CLSTN1: variants seen among roughly 807,000 people sequenced by gnomAD.
The protein encoded by CLSTN1 is calsyntenin 1.
CLSTN1 carries 28 observed loss-of-function variants against 108.3 expected under a neutral mutation model. The ratio of observed to expected loss-of-function variants is 0.26; its 90% CI spans 0.19 to 0.35. The LOEUF is 0.35. CLSTN1 is among the 10% of genes least tolerant of loss of function. CLSTN1 has a pLI of 1.00. For synonymous variants in CLSTN1, 524 were observed against 534.9 expected, an observed-to-expected ratio of 0.98 and a Z score of 0.28; for missense variants, 1,157 against 1,302.6, an observed-to-expected ratio of 0.89 and a Z score of 1.72.
intron 1 of CLSTN1, among the ~76,000 whole-genome samples, chr1:9,822,694 G>C (rs1570535794): frequency 6.6e-6 from 1 of 152,274 alleles, no homozygotes; most frequent in East Asian, 1.9e-4. Flanking sequence ...CTTTTCGTTG[G>C]CAAGACCAGT....
intron 2 of CLSTN1, among the ~76,000 whole-genome samples, chr1:9,772,381 C>A (rs888433699): frequency 6.6e-6 from 1 of 152,050 alleles, no homozygotes; most frequent in African/African-American, 2.4e-5. Context: ...AATCAAGGCT[C>A]ACTGCAGCCT....
intron 9 of CLSTN1, among the ~76,000 whole-genome samples, chr1:9,742,442 C>G (rs1026904516): frequency 6.6e-6 from 1 of 152,086 alleles, no homozygotes; most frequent in African/African-American, 2.4e-5. Flanking sequence ...GCACACAGGG[C>G]TATTCTTTAA....
intron 1 of CLSTN1, among the ~76,000 whole-genome samples, chr1:9,815,929 C>G (rs1654950684): frequency 6.6e-6 from 1 of 152,040 alleles, no homozygotes; most frequent in Non-Finnish European, 1.5e-5. Context: ...GAGTGAGACT[C>G]TACCTCAAAA....
intron 1 of CLSTN1, among the ~76,000 whole-genome samples, chr1:9,812,673 C>T (rs1654809183): frequency 6.6e-6 from 1 of 151,842 alleles, no homozygotes; most frequent in African/African-American, 2.4e-5. Flanking sequence ...ATGGAGAAAC[C>T]CCATCTCTAC....
chr1:9,736,066 G>GA, intron 11 of CLSTN1, 24 bp from the exon 12 acceptor site: 1 of 1,613,916 alleles, frequency 6.2e-7, no homozygotes, highest in African/African-American at 1.3e-5. Flanking sequence ...GAGAAAAGGC[G>GA]AAGTCAGGCG....
intron 12 of CLSTN1, 110 bp from the exon 13 acceptor site, chr1:9,735,725 G>A: frequency 1.3e-6 from 2 of 1,518,472 alleles, no homozygotes; most frequent in East Asian, 2.3e-5. Flanking sequence ...TTGAATTGCT[G>A]ACTTGAAAAA....
chr1:9,792,365 C>T (rs1463415731), intron 1 of CLSTN1, among the ~76,000 whole-genome samples: 1 of 151,504 alleles, frequency 6.6e-6, no homozygotes. Context: ...TGTGATGTGG[C>T]AGCCTCTCCA....
At position 9,744,973 on chromosome 1, in the gene CLSTN1, G is replaced by T. The variant is rs143650235; in HGVS notation, c.986-330C>A. 4.3e-3 allele frequency among the ~76,000 whole-genome samples: 657 copies of T among 152,224 alleles called. 12 individuals are homozygous for T. Among genetic ancestry groups the T allele is most frequent in the East Asian group, 0.042 (218 of 5,168 alleles). On this transcript the variant is annotated intron_variant, in intron 7 of 18. Coordinates refer to ENST00000377298, the MANE Select transcript of CLSTN1 (RefSeq NM_001009566.3). ...TTCACCATGTTGGCCAGGCTGGCCT[G>T]GAACTCCTGACCTCGTGATCCGCCT...
intron 2 of CLSTN1, among the ~76,000 whole-genome samples, chr1:9,765,508 C>A (rs909110882): frequency 1.3e-5 from 2 of 151,474 alleles, no homozygotes; most frequent in African/African-American, 4.9e-5. Context: ...ATGGTGAAAC[C>A]CTGTCTCTAC....
At chr1:9,780,009 C>T (rs1315080323) in intron 1 of CLSTN1, among the ~76,000 whole-genome samples, 2 of 152,120 alleles carry the variant, frequency 1.3e-5, no homozygotes, top group African/African-American at 2.4e-5. Flanking sequence ...TGCATCACCA[C>T]ACTCGGCTAA....
chr1:9,767,876 TTAG>T (rs1164106028), intron 2 of CLSTN1, among the ~76,000 whole-genome samples: 1 of 152,190 alleles, frequency 6.6e-6, no homozygotes, highest in African/African-American at 2.4e-5. Flanking sequence ...AAAGATTCTA[TTAG>T]TAGTAATAAC....
chr1:9,782,763 T>C (rs1653307580), intron 1 of CLSTN1, among the ~76,000 whole-genome samples: 2 of 151,470 alleles, frequency 1.3e-5, no homozygotes, highest in Non-Finnish European at 2.9e-5. Flanking sequence ...TCCTAGCACT[T>C]TGGGAGGCCA....
At chr1:9,794,002 C>G (rs142077283) in intron 1 of CLSTN1, among the ~76,000 whole-genome samples, 1 of 151,428 alleles carries the variant, frequency 6.6e-6, no homozygotes, top group Non-Finnish European at 1.5e-5. Context: ...TCCAACTTCC[C>G]GTTTCTTCAC....
chr1:9,733,169 G>C, intron 16 of CLSTN1, among the ~76,000 whole-genome samples: 1 of 152,102 alleles, frequency 6.6e-6, no homozygotes, highest in East Asian at 1.9e-4. Flanking sequence ...AGGCAGCCAG[G>C]GAAAGGGGAG....
At chr1:9,796,450 G>A (rs1654006259) in intron 1 of CLSTN1, among the ~76,000 whole-genome samples, 1 of 150,472 alleles carries the variant, frequency 6.6e-6, no homozygotes, top group Non-Finnish European at 1.5e-5. Context: ...GCCGAAGCGG[G>A]TGGATCACGA....
At chr1:9,770,623 T>C (rs1652627307) in intron 2 of CLSTN1, among the ~76,000 whole-genome samples, 1 of 152,236 alleles carries the variant, frequency 6.6e-6, no homozygotes, top group Non-Finnish European at 1.5e-5. Flanking sequence ...TTATGGTTAT[T>C]GGGGATTAAA....
chr1:9,784,149 G>A (rs1364640963), intron 1 of CLSTN1, among the ~76,000 whole-genome samples: 1 of 146,226 alleles, frequency 6.8e-6, no homozygotes, highest in Non-Finnish European at 1.5e-5. Context: ...TCCAGCCTGG[G>A]CGACAGGAGC....
chr1:9,794,297 A>G (rs1174895009), intron 1 of CLSTN1, among the ~76,000 whole-genome samples: 2 of 151,384 alleles, frequency 1.3e-5, no homozygotes, highest in Admixed American at 1.3e-4. Flanking sequence ...TGTTGACCGT[A>G]TATTTTCATT....
chr1:9,769,318 T>C (rs1026834145), intron 2 of CLSTN1, among the ~76,000 whole-genome samples: 2 of 151,880 alleles, frequency 1.3e-5, no homozygotes, highest in Non-Finnish European at 2.9e-5. Context: ...AAAACCTATG[T>C]CCACACAAAG....
Sources: gnomAD v4.1 joint callset for allele counts (sites outside exome capture counted in the v4.1 genomes callset) on GRCh38, gnomAD v4.1.1 for gene constraint, MANE v1.5 for transcripts, NCBI Gene and HGNC (gene_info 2026-07-23, HGNC 2026-07-21) for gene names.